ATP8B4: variants seen among roughly 807,000 people sequenced by gnomAD.
ATP8B4 encodes probable phospholipid-transporting ATPase IM.
ATP8B4 carries 133 observed loss-of-function variants against 145.6 expected under a neutral mutation model. That is an observed-to-expected ratio of 0.91 (90% CI 0.79 to 1.05). The LOEUF is 1.05. Ranked by LOEUF, ATP8B4 falls within the 50% of genes least tolerant of loss-of-function variation. The pLI is 0.00. For missense variants in ATP8B4, 1,458 were observed against 1,425.2 expected (o/e 1.02, Z -0.37); for synonymous variants, 507 against 492.9 (o/e 1.03, Z -0.38).
chr15:50,176,888 A>G (rs1302283494), intron 1 of ATP8B4, among the ~76,000 whole-genome samples: 1 of 152,210 alleles, frequency 6.6e-6, no homozygotes, highest in Non-Finnish European at 1.5e-5. Flanking sequence ...TAATATCAAT[A>G]ATCAGTTGTT....
In ATP8B4 at chr15:50,127,085, T is replaced by C. The variant is rs79356906; in HGVS notation, c.-42-20077A>G. The stretch of plus-strand genomic sequence containing the variant: ...AATCGCAGATCGGGAAATCTTTGAA[T>C]CTACCTGTAACCTGTGGACCCCCAC... On this transcript the variant is annotated intron_variant, in intron 1 of 3. Coordinates refer to the ATP8B4 transcript ENST00000558829. 3.4e-3 allele frequency among the ~76,000 whole-genome samples: 518 copies of C among 152,348 alleles called. 2 individuals carry two copies. The highest frequency in any genetic ancestry group is 0.012 in the African/African-American group (497 of 41,572).
chr15:50,105,951 A>G (rs1765383934), intron 2 of ATP8B4, among the ~76,000 whole-genome samples: 1 of 152,114 alleles, frequency 6.6e-6, no homozygotes, highest in Non-Finnish European at 1.5e-5. Flanking sequence ...GGTGGCAATA[A>G]TTCTAGACTC....
At chr15:50,103,885 T>C (rs1368731427) in intron 2 of ATP8B4, among the ~76,000 whole-genome samples, 1 of 152,130 alleles carries the variant, frequency 6.6e-6, no homozygotes, top group African/African-American at 2.4e-5. Flanking sequence ...AAAACAGGCA[T>C]GTAGACCAAT....
intron 12 of ATP8B4, among the ~76,000 whole-genome samples, chr15:49,973,282 C>T (rs1260227776): frequency 1.3e-5 from 2 of 152,196 alleles, no homozygotes; most frequent in Non-Finnish European, 2.9e-5. Context: ...GTGCAGTTCA[C>T]AATAGGGTTT....
chr15:50,054,628 A>G (rs1019700776), intron 3 of ATP8B4, among the ~76,000 whole-genome samples: 2 of 151,714 alleles, frequency 1.3e-5, no homozygotes, highest in Admixed American at 6.6e-5. Context: ...CTAAAAATAC[A>G]AAAAAATTGG....
At chr15:49,951,404 A>T (rs1235553686) in intron 14 of ATP8B4, among the ~76,000 whole-genome samples, 2 of 152,170 alleles carry the variant, frequency 1.3e-5, no homozygotes, top group Non-Finnish European at 2.9e-5. Flanking sequence ...ATATATTCAG[A>T]ATAGTTAACT....
intron 1 of ATP8B4, among the ~76,000 whole-genome samples, chr15:50,156,139 AAT>A (rs544470220): frequency 2.9e-5 from 1 of 34,048 alleles, no homozygotes; most frequent in African/African-American, 8.9e-5. Flanking sequence ...TATATATATA[AAT>A]ATATATATAT....
chr15:50,171,351 A>G (rs1341343622), intron 1 of ATP8B4, among the ~76,000 whole-genome samples: 4 of 152,248 alleles, frequency 2.6e-5, no homozygotes, highest in African/African-American at 9.6e-5. Flanking sequence ...AATTATATCA[A>G]GCACTCTCTC....
chr15:50,062,620 T>C (rs1352857557), intron 3 of ATP8B4, among the ~76,000 whole-genome samples: 5 of 152,148 alleles, frequency 3.3e-5, no homozygotes, highest in Non-Finnish European at 5.9e-5. Flanking sequence ...GCTAATATAA[T>C]TTTTCATAAT....
rs1421144182 is a variant in ATP8B4 at position 49,934,039 on chromosome 15, T to C, written c.1431A>G (p.Val477=). ...TACCTGCGCTATTCTCTTCTGACATTACAGTGTGGCAGAGAGCAAGTAACC... is the reference window on the plus strand; with the variant it reads ...TACCTGCGCTATTCTCTTCTGACATCACAGTGTGGCAGAGAGCAAGTAACC... The part of the protein sequence containing the change: ...FLRLLALCHT[V]MSEENSAGEL... The change falls in exon 15 of 28, where the codon GTA becomes GTG. Residue 477 remains valine, a synonymous_variant. Transcript: ENST00000284509. The C allele has an allele frequency of 1.2e-6, 2 of 1,610,966 alleles. No individual in the cohort carries two copies. Among genetic ancestry groups the C allele is most frequent in the Admixed American group, 1.7e-5 (1 of 59,544 alleles).
chr15:49,932,183 AATGGCTATACT>A (rs1240435793), intron 15 of ATP8B4, among the ~76,000 whole-genome samples: 2 of 151,948 alleles, frequency 1.3e-5, no homozygotes, highest in Non-Finnish European at 2.9e-5. Context: ...GTTGCATATT[AATGGCTATACT>A]ATGAGTTCTT....
At chr15:49,990,647 T>A (rs533456960) in intron 9 of ATP8B4, among the ~76,000 whole-genome samples, 56 of 152,268 alleles carry the variant, frequency 3.7e-4, no homozygotes, top group Non-Finnish European at 6.3e-4. Flanking sequence ...TTGACAGACT[T>A]CTCGAGCTAA....
At chr15:50,018,282 T>A (rs2049256733) in intron 6 of ATP8B4, among the ~76,000 whole-genome samples, 1 of 152,154 alleles carries the variant, frequency 6.6e-6, no homozygotes, top group Non-Finnish European at 1.5e-5. Flanking sequence ...GCCACCAAGC[T>A]TGGCCCTAGA....
intron 3 of ATP8B4, among the ~76,000 whole-genome samples, chr15:50,054,025 TA>T (rs1347823972): frequency 6.6e-6 from 1 of 152,216 alleles, no homozygotes; most frequent in East Asian, 1.9e-4. Flanking sequence ...AGCATAGATG[TA>T]AAAATATTTC....
intron 6 of ATP8B4, among the ~76,000 whole-genome samples, chr15:50,029,833 T>G (rs2050301906): frequency 6.6e-6 from 1 of 152,188 alleles, no homozygotes. Flanking sequence ...CTATGTTTTG[T>G]TTGTACTCTT....
At chr15:49,978,368 A>G (rs1210442565) in intron 12 of ATP8B4, among the ~76,000 whole-genome samples, 1 of 152,140 alleles carries the variant, frequency 6.6e-6, no homozygotes, top group East Asian at 1.9e-4. Flanking sequence ...CTCTGACCAC[A>G]GCTCCAGAGG....
In ATP8B4 at chr15:50,083,451, G is replaced by GA. The variant is rs71124318; in HGVS notation, c.29-9267dup. ...TCTTTCTGTATCATCTCTACTCAAA[G>GA]AAAAAAAAAATCAGCATCTGCCCCA... On this transcript the variant is annotated intron_variant, in intron 2 of 27. Transcript: ENST00000284509. Among the ~76,000 whole-genome samples the GA allele has an allele frequency of 2.9e-3, 434 of 149,176 alleles. 3 individuals carry two copies. The highest frequency in any genetic ancestry group is 9.7e-3 in the African/African-American group (394 of 40,458).
intron 12 of ATP8B4, among the ~76,000 whole-genome samples, chr15:49,973,142 C>T (rs1177168763): frequency 6.6e-6 from 1 of 152,150 alleles, no homozygotes; most frequent in Non-Finnish European, 1.5e-5. Context: ...CTTTTGGTCA[C>T]CGGGGACCAG....
intron 25 of ATP8B4, among the ~76,000 whole-genome samples, chr15:49,870,442 A>G (rs914818735): frequency 1.3e-5 from 2 of 152,190 alleles, no homozygotes; most frequent in Non-Finnish European, 2.9e-5. Flanking sequence ...GCATTTTATA[A>G]TTCAAATAAT....
Sources: allele counts gnomAD v4.1 joint callset (sites outside exome capture counted in the v4.1 genomes callset), GRCh38; gene constraint gnomAD v4.1.1; transcripts MANE v1.5; gene names NCBI Gene and HGNC (gene_info 2026-07-23, HGNC 2026-07-21).